Variants in ZNF143 observed in about 807,000 individuals in gnomAD.
ZNF143 encodes the protein SPH-binding factor.
A neutral mutation model predicts 74.1 loss-of-function variants in ZNF143; 49 were observed. The observed-to-expected ratio is 0.66, with a 90% CI of 0.53 to 0.84. ZNF143 has a LOEUF of 0.84. ZNF143 is among the 40% of genes least tolerant of loss of function. The probability of loss-of-function intolerance (pLI) is 0.00; values close to 1 mark genes in which losing one functional copy is unlikely to be tolerated. For missense variants in ZNF143, 637 were observed against 793.4 expected, an observed-to-expected ratio of 0.80 and a Z score of 2.37; for synonymous variants, 304 against 282.8, an observed-to-expected ratio of 1.07 and a Z score of -0.75.
intron 7 of ZNF143, among the ~76,000 whole-genome samples, chr11:9,487,923 C>G (rs753764166): frequency 5.3e-5 from 8 of 152,000 alleles, no homozygotes; most frequent in Non-Finnish European, 1.2e-4. Flanking sequence ...CATTTTTTCC[C>G]CTAAAACATC....
At chr11:9,508,590 T>G (rs762267652) in intron 11 of ZNF143, 29 bp from the exon 12 acceptor site, 2 of 1,597,896 alleles carry the variant, frequency 1.3e-6, no homozygotes, top group South Asian at 1.1e-5. Flanking sequence ...TATGTAAAAG[T>G]TGAACTTTTT....
intron 10 of ZNF143, among the ~76,000 whole-genome samples, chr11:9,499,970 T>C (rs1219907423): frequency 1.3e-5 from 2 of 152,184 alleles, no homozygotes; most frequent in African/African-American, 4.8e-5. Context: ...TGAGACAGTG[T>C]CTCACTTCAG....
At chr11:9,517,578 C>T (rs1848768275) in intron 14 of ZNF143, among the ~76,000 whole-genome samples, 1 of 152,182 alleles carries the variant, frequency 6.6e-6, no homozygotes, top group South Asian at 2.1e-4. Flanking sequence ...TCAGCATAGT[C>T]ACCATGATAG....
chr11:9,516,723 T>C (rs553057391), intron 14 of ZNF143, among the ~76,000 whole-genome samples: 1 of 152,360 alleles, frequency 6.6e-6, no homozygotes, highest in Non-Finnish European at 1.5e-5. Flanking sequence ...TATATTCATA[T>C]GGTTTAAAAC....
chr11:9,520,800 A>T (rs1035484603), intron 14 of ZNF143, among the ~76,000 whole-genome samples: 1 of 152,244 alleles, frequency 6.6e-6, no homozygotes, highest in Non-Finnish European at 1.5e-5. Context: ...AAAATAAAAA[A>T]TAAAAAAGAA....
At chr11:9,506,963 T>G (rs1280350775) in intron 11 of ZNF143, among the ~76,000 whole-genome samples, 2 of 152,302 alleles carry the variant, frequency 1.3e-5, no homozygotes, top group Non-Finnish European at 2.9e-5. Context: ...CTAGCCTAAA[T>G]ATCAATTGGG....
At chr11:9,484,286 T>C (rs1022093269) in intron 7 of ZNF143, among the ~76,000 whole-genome samples, 2 of 151,204 alleles carry the variant, frequency 1.3e-5, no homozygotes, top group African/African-American at 4.9e-5. Context: ...CACTGCCTCC[T>C]GGGTTTAACT....
chr11:9,493,105 C>A, intron 7 of ZNF143, among the ~76,000 whole-genome samples: 1 of 147,154 alleles, frequency 6.8e-6, no homozygotes. Flanking sequence ...GATTCTCACT[C>A]TGTCTCCAGG....
intron 7 of ZNF143, among the ~76,000 whole-genome samples, chr11:9,489,403 A>G (rs560327763): frequency 2.0e-5 from 3 of 152,138 alleles, no homozygotes; most frequent in Non-Finnish European, 4.4e-5. Flanking sequence ...TCTGACCCTT[A>G]TTTTACTACC....
intron 7 of ZNF143, among the ~76,000 whole-genome samples, chr11:9,491,667 G>A (rs1847783898): frequency 6.6e-6 from 1 of 152,018 alleles, no homozygotes; most frequent in African/African-American, 2.4e-5. Flanking sequence ...GTCTCACTCT[G>A]TCACCCAGGA....
At chr11:9,522,875 C>T (rs895399377) in intron 14 of ZNF143, among the ~76,000 whole-genome samples, 1 of 151,970 alleles carries the variant, frequency 6.6e-6, no homozygotes, top group Non-Finnish European at 1.5e-5. Flanking sequence ...GGTTCTCCTC[C>T]CTCAGCCTCC....
chr11:9,494,800 G>A (rs567541397), intron 8 of ZNF143, 35 bp downstream of exon 8: 6 of 1,560,854 alleles, frequency 3.8e-6, no homozygotes, highest in African/African-American at 1.4e-5. Context: ...CTAGTTATGA[G>A]AATACCTAGG....
chr11:9,489,487 C>T (rs140643250), intron 7 of ZNF143, among the ~76,000 whole-genome samples: 188 of 152,200 alleles, frequency 1.2e-3, no homozygotes, highest in African/African-American at 4.3e-3. Context: ...AAAAAATGTC[C>T]AATACTCATC....
chr11:9,491,355 G>A (rs186164612), intron 7 of ZNF143, among the ~76,000 whole-genome samples: 217 of 151,026 alleles, frequency 1.4e-3, no homozygotes, highest in African/African-American at 4.7e-3. Context: ...GACAGGTGTC[G>A]GCTGGGCGCG....
At position 9,527,995 on chromosome 11, in the gene ZNF143, A is replaced by G. The variant is rs1246694206; in HGVS notation, c.*382A>G. ...GTATCTAAAATATCAAAGGTTCTAT[A>G]TGTCACACAATCGTAATTCCAAAAG... On this transcript the variant is annotated 3_prime_UTR_variant, in exon 16 of 16. Transcript: ENST00000396602. 6.3e-6 allele frequency: 1 copy of G among 159,558 alleles called. No individual in the cohort carries two copies. The highest frequency in any genetic ancestry group is 1.4e-5 in the Non-Finnish European group (1 of 72,538). 9.9% of individuals were successfully genotyped at this position (159,558 alleles called of 1,614,324 possible). A position where few individuals can be genotyped will look rare whatever the true frequency, so the allele number is the denominator to read the frequency against.
intron 11 of ZNF143, among the ~76,000 whole-genome samples, chr11:9,502,756 AG>A (rs1848213547): frequency 6.6e-6 from 1 of 151,368 alleles, no homozygotes; most frequent in Non-Finnish European, 1.5e-5. Context: ...CCCGCCCCCC[AG>A]GTGTAAGCAA....
chr11:9,461,976 G>A (rs1483923809), intron 1 of ZNF143: 2 of 152,228 alleles, frequency 1.3e-5, no homozygotes, highest in Non-Finnish European at 2.9e-5. Context: ...GTTCGAGATT[G>A]TGGTCGGCTT....
rs3763877 is a variant in ZNF143, at chr11:9,497,917, G to A, written c.967+117G>A. 349,137 of 715,532 alleles carry A rather than the reference G, an allele frequency of 0.49. 88,489 individuals are homozygous for A. Among genetic ancestry groups the A allele is most frequent in the Middle Eastern group, 0.58 (1,225 of 2,096 alleles). 44.3% of individuals were successfully genotyped at this position (715,532 alleles called of 1,614,324 possible). A position where few individuals can be genotyped will look rare whatever the true frequency, so the allele number is the denominator to read the frequency against. On this transcript the variant is annotated intron_variant, in intron 10 of 15. Coordinates refer to ENST00000396602, the MANE Select transcript of ZNF143 (RefSeq NM_003442.6). ...GCAATCTTGGCTCACTGCAAGCTCC[G>A]CCTCCCGGGTTCACGCCATTCTCCT...
At chr11:9,501,737 A>G (rs1848166390) in intron 11 of ZNF143, among the ~76,000 whole-genome samples, 1 of 151,988 alleles carries the variant, frequency 6.6e-6, no homozygotes, top group Non-Finnish European at 1.5e-5. Context: ...AAAGGCACAA[A>G]GGTATGAAAA....
Sources: allele counts gnomAD v4.1 joint callset (sites outside exome capture counted in the v4.1 genomes callset), GRCh38; gene constraint gnomAD v4.1.1; transcripts MANE v1.5; gene names NCBI Gene and HGNC (gene_info 2026-07-23, HGNC 2026-07-21).